Variants in RBFOX1 observed in about 807,000 individuals in gnomAD.
RBFOX1 encodes RNA binding protein fox-1 homolog 1.
In RBFOX1, 8 loss-of-function variants were observed where a neutral mutation model predicts 57.7. That is an observed-to-expected ratio of 0.14 (90% CI 0.08 to 0.25). RBFOX1 has a LOEUF of 0.25. RBFOX1 is among the 10% of genes least tolerant of loss of function. The pLI is 1.00. For synonymous variants in RBFOX1, 326 were observed against 222.4 expected (o/e 1.47, Z -4.15); for missense variants, 611 against 548.5 (o/e 1.11, Z -1.14).
intron 1 of RBFOX1, among the ~76,000 whole-genome samples, chr16:5,274,353 A>T (rs11860055): frequency 0.34 from 51,677 of 151,838 alleles, 8,928 homozygotes; most frequent in African/African-American, 0.4. Context: ...ACATGGTGAA[A>T]CCGTTTGTCT....
chr16:7,548,210 C>T (rs1006510307), intron 5 of RBFOX1, among the ~76,000 whole-genome samples: 5 of 152,166 alleles, frequency 3.3e-5, no homozygotes, highest in African/African-American at 1.2e-4. Context: ...TCCCATCTGT[C>T]ACCCAGGCTG....
intron 3 of RBFOX1, among the ~76,000 whole-genome samples, chr16:5,757,490 A>G (rs778086569): frequency 3.3e-5 from 5 of 151,948 alleles, no homozygotes; most frequent in Non-Finnish European, 7.4e-5. Context: ...TCAGCCTCCA[A>G]AAGTGCTGGG....
chr16:6,996,103 G>C (rs373539732), intron 3 of RBFOX1, among the ~76,000 whole-genome samples: 9 of 152,292 alleles, frequency 5.9e-5, no homozygotes, highest in African/African-American at 2.2e-4. Flanking sequence ...TATTCCATTA[G>C]TTTTCATGTC....
intron 4 of RBFOX1, among the ~76,000 whole-genome samples, chr16:5,961,048 G>C (rs1034054372): frequency 3.3e-5 from 5 of 152,110 alleles, no homozygotes; most frequent in African/African-American, 1.2e-4. Context: ...GGGTGATCCT[G>C]GAAAGGAGAA....
chr16:7,654,125 A>G (rs1461881629), intron 12 of RBFOX1, among the ~76,000 whole-genome samples, 178 bp downstream of exon 12: 3 of 152,178 alleles, frequency 2.0e-5, no homozygotes, highest in African/African-American at 7.2e-5. Context: ...AGTATTGAAA[A>G]ATGAGTGTAA....
At chr16:6,799,458 C>T (rs1172023089) in intron 3 of RBFOX1, among the ~76,000 whole-genome samples, 4 of 152,082 alleles carry the variant, frequency 2.6e-5, no homozygotes, top group Non-Finnish European at 5.9e-5. Flanking sequence ...TTCCCAGAGC[C>T]ATTCATGATG....
intron 2 of RBFOX1, among the ~76,000 whole-genome samples, chr16:6,424,534 C>G (rs532251470): frequency 6.6e-6 from 1 of 152,080 alleles, no homozygotes; most frequent in African/African-American, 2.4e-5. Flanking sequence ...ACAGCCCTCA[C>G]TTTAAAGAAT....
intron 1 of RBFOX1, among the ~76,000 whole-genome samples, chr16:5,363,843 G>A (rs1170781693): frequency 6.6e-6 from 1 of 152,198 alleles, no homozygotes; most frequent in Non-Finnish European, 1.5e-5. Flanking sequence ...TTTCTAGAGT[G>A]CATGGCTGTT....
At chr16:7,653,664 C>G in intron 11 of RBFOX1, 151 bp from the exon 12 acceptor site, 1 of 1,164,992 alleles carries the variant, frequency 8.6e-7, no homozygotes, top group African/African-American at 1.5e-5. Context: ...CCGTGCTGCT[C>G]TCTGCTTTTT....
intron 2 of RBFOX1, among the ~76,000 whole-genome samples, chr16:6,324,421 A>G (rs2082146051): frequency 1.3e-5 from 2 of 152,194 alleles, no homozygotes; most frequent in Admixed American, 1.3e-4. Flanking sequence ...AGGAAGTATG[A>G]TGCTGGCATC....
chr16:6,929,305 G>A (rs1269887057), intron 3 of RBFOX1, among the ~76,000 whole-genome samples: 5 of 152,118 alleles, frequency 3.3e-5, no homozygotes, highest in African/African-American at 4.8e-5. Context: ...TCTGGTAAAT[G>A]GAAGAGGGGT....
chr16:5,508,614 A>T (rs968307157), intron 2 of RBFOX1, among the ~76,000 whole-genome samples: 1 of 151,362 alleles, frequency 6.6e-6, no homozygotes, highest in Non-Finnish European at 1.5e-5. Flanking sequence ...CACACCCAAG[A>T]TGTTGGGGGT....
Position 7,392,854 on chromosome 16 carries a change from G to GGTTTGTTT in RBFOX1, c.28-125264_28-125257dup, listed in dbSNP as rs71391628. The stretch of plus-strand genomic sequence containing the variant: ...GTTTTTTGTTGTTTTGGTTTGGTTT[G>GGTTTGTTT]GTTTGTTTGTTTGTTTGTTTGTTTG... On this transcript the variant is annotated intron_variant, in intron 4 of 15. Transcript: ENST00000550418. 2.9e-3 allele frequency among the ~76,000 whole-genome samples: 359 copies of GGTTTGTTT among 123,076 alleles called. 1 individual carries two copies. The highest frequency in any genetic ancestry group is 0.011 in the East Asian group (34 of 3,140). The allele number at this position is 123,076 out of a possible 152,430, so 80.7% of individuals were successfully genotyped here. A position where few individuals can be genotyped will look rare whatever the true frequency, so the allele number is the denominator to read the frequency against.
At chr16:5,309,126 C>G (rs569634724) in intron 1 of RBFOX1, among the ~76,000 whole-genome samples, 1 of 152,198 alleles carries the variant, frequency 6.6e-6, no homozygotes, top group Non-Finnish European at 1.5e-5. Context: ...CCCTCTCTTT[C>G]TAATAATTCT....
chr16:5,487,984 G>A (rs2042690683), intron 2 of RBFOX1, among the ~76,000 whole-genome samples: 1 of 152,100 alleles, frequency 6.6e-6, no homozygotes, highest in Non-Finnish European at 1.5e-5. Flanking sequence ...AGACGATGAT[G>A]TAATCATGAT....
intron 2 of RBFOX1, among the ~76,000 whole-genome samples, chr16:6,533,969 A>G (rs867495602): frequency 3.9e-5 from 6 of 152,314 alleles, no homozygotes; most frequent in Middle Eastern, 3.4e-3. Flanking sequence ...TGTATATTAT[A>G]TATATGTGTG....
In RBFOX1 at chr16:5,947,041, A is replaced by G. The variant is rs2059414289; in HGVS notation, c.351+79706A>G. The stretch of plus-strand genomic sequence containing the variant: ...AGCTCTAGCAATATAGTGACACCCC[A>G]TCTGTACAAAATAAAGTGAAAATAA... On this transcript the variant is annotated intron_variant, in intron 4 of 19. Coordinates refer to the RBFOX1 transcript ENST00000641259. This position sits in a 1 kb window ranked among gnomAD's most constrained non-coding sequence, Gnocchi z 7.2. Among the ~76,000 whole-genome samples the G allele has an allele frequency of 6.6e-6, 1 of 152,156 alleles. No homozygotes were observed.
intron 4 of RBFOX1, among the ~76,000 whole-genome samples, chr16:5,999,612 G>T (rs1009534684): frequency 6.6e-6 from 1 of 152,062 alleles, no homozygotes; most frequent in African/African-American, 2.4e-5. Context: ...CTGTAATCCC[G>T]GCACTTTGGG....
intron 1 of RBFOX1, among the ~76,000 whole-genome samples, chr16:5,457,225 C>G (rs1254749149): frequency 6.6e-6 from 1 of 152,276 alleles, no homozygotes; most frequent in Admixed American, 6.5e-5. Flanking sequence ...CAACCTCTAC[C>G]TCCCGGGTTC....
Sources: gnomAD v4.1 joint callset for allele counts (sites outside exome capture counted in the v4.1 genomes callset) on GRCh38, gnomAD v4.1.1 for gene constraint, Gnocchi (gnomAD v3.1) non-coding constraint, MANE v1.5 for transcripts, NCBI Gene and HGNC (gene_info 2026-07-23, HGNC 2026-07-21) for gene names.